The following NTSR1 variants were observed in gnomAD, a reference collection of about 807,000 sequenced individuals.
NTSR1 encodes neurotensin receptor 1, also known as neurotensin receptor type 1.
A neutral mutation model predicts 31.2 loss-of-function variants in NTSR1; 29 were observed. The observed-to-expected ratio is 0.93, with a 90% CI of 0.69 to 1.27. NTSR1 has a LOEUF of 1.27. Among genes scored for constraint, NTSR1 ranks in the 50% most tolerant of loss-of-function variants. The probability of loss-of-function intolerance (pLI) is 0.00; values close to 1 mark genes in which losing one functional copy is unlikely to be tolerated. For missense variants in NTSR1, 697 were observed against 595.4 expected, an observed-to-expected ratio of 1.17 and a Z score of -1.78; for synonymous variants, 282 against 269.9, an observed-to-expected ratio of 1.04 and a Z score of -0.44.
chr20:62,755,078 A>G (rs919746184), intron 2 of NTSR1, among the ~76,000 whole-genome samples, 192 bp downstream of exon 2: 1 of 144,524 alleles, frequency 6.9e-6, no homozygotes, highest in Admixed American at 6.8e-5. Flanking sequence ...CCATCCTTCC[A>G]TCTATCCTTC....
chr20:62,759,175 C>A (rs929031410), intron 3 of NTSR1, among the ~76,000 whole-genome samples: 1 of 152,166 alleles, frequency 6.6e-6, no homozygotes, highest in Non-Finnish European at 1.5e-5. Flanking sequence ...GCACCTACGA[C>A]CAATGAGGAG....
At chr20:62,739,203 GC>G (rs1989159761) in intron 1 of NTSR1, among the ~76,000 whole-genome samples, 1 of 152,188 alleles carries the variant, frequency 6.6e-6, no homozygotes, top group Non-Finnish European at 1.5e-5. Flanking sequence ...CGGGCAGCAG[GC>G]CCCCTCTGGC....
chr20:62,741,597 C>T lies in NTSR1; in HGVS notation c.715-13088C>T, dbSNP rs1365855822. ...GGGCATTGTCCATGGTACTGAACCC[C>T]TGAGGCTCCCTGGGGCTCTGGCATT... On this transcript the variant is annotated intron_variant, in intron 1 of 3. Coordinates refer to ENST00000370501, the MANE Select transcript of NTSR1 (RefSeq NM_002531.3). This position sits in a 1 kb window ranked among gnomAD's most constrained non-coding sequence, Gnocchi z 4.3. Among the ~76,000 whole-genome samples, 2 of 149,652 alleles carry T rather than the reference C, an allele frequency of 1.3e-5. No homozygotes were observed. The highest frequency in any genetic ancestry group is 2.9e-5 in the Non-Finnish European group (2 of 68,020).
At chr20:62,727,973 G>C (rs1988937563) in intron 1 of NTSR1, among the ~76,000 whole-genome samples, 1 of 152,262 alleles carries the variant, frequency 6.6e-6, no homozygotes, top group Non-Finnish European at 1.5e-5. Context: ...TGGTGCTGGG[G>C]ACCCAGCGAG....
chr20:62,749,168 G>A (rs1016791309), intron 1 of NTSR1, among the ~76,000 whole-genome samples: 2 of 152,178 alleles, frequency 1.3e-5, no homozygotes, highest in Admixed American at 6.5e-5. Flanking sequence ...TAGGCCGGGC[G>A]CGGTGGCTCA....
At chr20:62,718,630 G>A (rs540333973) in intron 1 of NTSR1, among the ~76,000 whole-genome samples, 11 of 149,816 alleles carry the variant, frequency 7.3e-5, no homozygotes, top group Non-Finnish European at 1.2e-4. Flanking sequence ...GGAGCCAGCT[G>A]GGCTGTGGCC....
chr20:62,724,523 C>G (rs939566076), intron 1 of NTSR1, among the ~76,000 whole-genome samples: 2 of 152,262 alleles, frequency 1.3e-5, no homozygotes, highest in Non-Finnish European at 2.9e-5. Flanking sequence ...AAAATAACTG[C>G]ATTTGTGTCC....
At position 62,725,581 on chromosome 20, in the gene NTSR1, C is replaced by G. The variant is rs531595926; in HGVS notation, c.714+15660C>G. ...TCCTGCAGCCACCCAACCGGCCACC[C>G]CATCTGTCCACGCCTCATCTGCTGT... On this transcript the variant is annotated intron_variant, in intron 1 of 3. Coordinates refer to ENST00000370501, the MANE Select transcript of NTSR1 (RefSeq NM_002531.3). Among the ~76,000 whole-genome samples the G allele has an allele frequency of 2.0e-5, 3 of 152,344 alleles. No individual in the cohort carries two copies. The East Asian group carries it at 5.8e-4, about 29-fold the overall frequency.
intron 1 of NTSR1, among the ~76,000 whole-genome samples, chr20:62,754,344 G>A (rs1400551391): frequency 6.6e-6 from 1 of 152,224 alleles, no homozygotes; most frequent in East Asian, 1.9e-4. Flanking sequence ...TGGGAACCTA[G>A]AGCCTAGGGC....
Position 62,733,248 on chromosome 20 carries a change from GC to G in NTSR1, c.715-21435del, listed in dbSNP as rs1278746515. On this transcript the variant is annotated intron_variant, in intron 1 of 3. Coordinates refer to ENST00000370501, the MANE Select transcript of NTSR1 (RefSeq NM_002531.3). This position sits in a 1 kb window ranked among gnomAD's most constrained non-coding sequence, Gnocchi z 5.2. ...AAATGTGCATCCCGGTCCCCGCAGG[GC>G]CACCCTGGAGGCACCTCTGCACCTC... 2 of 152,216 alleles carry G rather than the reference GC, an allele frequency of 1.3e-5. No homozygotes were observed. Among genetic ancestry groups the G allele is most frequent in the East Asian group, 3.8e-4 (2 of 5,202 alleles). 9.4% of individuals were successfully genotyped at this position (152,216 alleles called of 1,614,324 possible).
Position 62,733,965 on chromosome 20 carries a change from A to C in NTSR1, c.715-20720A>C, listed in dbSNP as rs1198352523. Among the ~76,000 whole-genome samples, 2 of 152,156 alleles carry C rather than the reference A, an allele frequency of 1.3e-5. No homozygotes were observed. The highest frequency in any genetic ancestry group is 2.9e-5 in the Non-Finnish European group (2 of 68,036). ...CCCAGGCAGGGTCGCATTTTAAATG[A>C]TGGTTTTGGGTGCTGAGCCAGCCCA... On this transcript the variant is annotated intron_variant, in intron 1 of 3. Coordinates refer to ENST00000370501, the MANE Select transcript of NTSR1 (RefSeq NM_002531.3). The surrounding 1 kb of genome is among the most constrained non-coding windows in gnomAD (Gnocchi z 5.2).
In NTSR1 at chr20:62,743,477, G is replaced by T. The variant is rs529867009; in HGVS notation, c.715-11208G>T. ...TCTGTCTGGGAGGTTAGAAAAGACC[G>T]TCCGTGAGCCTGGGCCCTGCTGGGG... On this transcript the variant is annotated intron_variant, in intron 1 of 3. Coordinates refer to ENST00000370501, the MANE Select transcript of NTSR1 (RefSeq NM_002531.3). The surrounding 1 kb of genome is among the most constrained non-coding windows in gnomAD (Gnocchi z 7.5). Among the ~76,000 whole-genome samples the T allele has an allele frequency of 6.6e-5, 10 of 152,266 alleles. No individual in the cohort carries two copies. In the East Asian group the frequency reaches 1.2e-3, roughly 18 times the overall value.
chr20:62,746,925 G>T (rs1172681385), intron 1 of NTSR1, among the ~76,000 whole-genome samples: 1 of 152,206 alleles, frequency 6.6e-6, no homozygotes, highest in East Asian at 1.9e-4. Flanking sequence ...TACAAGGTCA[G>T]CATTACCCTG....
In NTSR1 at chr20:62,709,706, T is replaced by C. The variant is rs766478482; in HGVS notation, c.499T>C (p.Tyr167His). The C allele has an allele frequency of 1.9e-6, 3 of 1,612,712 alleles. No homozygotes were observed. Among genetic ancestry groups the C allele is most frequent in the Non-Finnish European group, 2.5e-6 (3 of 1,179,850 alleles). The stretch of plus-strand genomic sequence containing the variant: ...CGTGGCCAGCCTGAGTGTGGAGCGC[T>C]ACCTGGCCATCTGCCACCCCTTCAA... ...LNVASLSVER[Y>H]LAICHPFKAK... The change falls in exon 1 of 4, where the codon TAC becomes CAC. Residue 167 changes from tyrosine to histidine, a missense_variant. Coordinates refer to ENST00000370501, the MANE Select transcript of NTSR1 (RefSeq NM_002531.3).
At position 62,759,928 on chromosome 20, in the gene NTSR1, G is replaced by A. The variant is rs563928218; in HGVS notation, c.1008-90G>A. ...TTTTAATTAGCGTCTGAGCCACCAC[G>A]TCCCTCAGCCGCTGTGGCCCCGGCT... On this transcript the variant is annotated intron_variant, in intron 3 of 3. Coordinates refer to ENST00000370501, the MANE Select transcript of NTSR1 (RefSeq NM_002531.3). 40 of 1,321,108 alleles carry A rather than the reference G, an allele frequency of 3.0e-5. No homozygotes were observed. The African/African-American group carries it at 3.8e-4, about 13-fold the overall frequency. The allele number at this position is 1,321,108 out of a possible 1,614,324, so 81.8% of individuals were successfully genotyped here.
rs770649409 is a variant in NTSR1 at position 62,758,306 on chromosome 20, C to T, written c.957C>T (p.Tyr319=). The change falls in exon 3 of 4, where the codon TAC becomes TAT. Residue 319 remains tyrosine (Y), a synonymous_variant. Transcript: ENST00000370501. The surrounding 1 kb of genome is among the most constrained non-coding windows in gnomAD (Gnocchi z 4.5). ...VIAFVVCWLP[Y]HVRRLMFCYI... is the part of the protein sequence containing the mutation. The stretch of plus-strand genomic sequence containing the variant: ...CCTTTGTGGTCTGCTGGCTGCCCTA[C>T]CACGTGCGGCGCCTCATGTTCTGCT... 3 of 1,613,674 alleles carry T rather than the reference C, an allele frequency of 1.9e-6. No individual in the cohort carries two copies. Among genetic ancestry groups the T allele is most frequent in the African/African-American group, 1.3e-5 (1 of 74,902 alleles).
Position 62,744,695 on chromosome 20 carries a change from C to A in NTSR1, c.715-9990C>A, listed in dbSNP as rs957636230. Among the ~76,000 whole-genome samples, 10 of 152,236 alleles carry A rather than the reference C, an allele frequency of 6.6e-5. No individual in the cohort carries two copies. The highest frequency in any genetic ancestry group is 2.1e-4 in the South Asian group (1 of 4,824). Reference sequence around the variant, plus strand: ...TAAGCAGAAATCGCGCCACTGCACTCCAGCCTGGGCAACAAGAGCAAAGCT... The same window carrying A: ...TAAGCAGAAATCGCGCCACTGCACTACAGCCTGGGCAACAAGAGCAAAGCT... On this transcript the variant is annotated intron_variant, in intron 1 of 3. Transcript: ENST00000370501. This position sits in a 1 kb window ranked among gnomAD's most constrained non-coding sequence, Gnocchi z 4.1.
intron 1 of NTSR1, among the ~76,000 whole-genome samples, chr20:62,749,269 G>A (rs922297369): frequency 3.9e-5 from 6 of 152,046 alleles, no homozygotes; most frequent in South Asian, 2.1e-4. Context: ...GTGAAACCCC[G>A]TCTCTACTAA....
Position 62,715,791 on chromosome 20 carries a change from C to T in NTSR1, c.714+5870C>T, listed in dbSNP as rs1988704244. On this transcript the variant is annotated intron_variant, in intron 1 of 3. Transcript: ENST00000370501. This position sits in a 1 kb window ranked among gnomAD's most constrained non-coding sequence, Gnocchi z 4.7. ...CTTGCCAAGAACCACCACAAGCCACCCCACAGGTGAGGCAGGCCTCAGGCA... is the reference window on the plus strand; with the variant it reads ...CTTGCCAAGAACCACCACAAGCCACTCCACAGGTGAGGCAGGCCTCAGGCA... Among the ~76,000 whole-genome samples the T allele has an allele frequency of 6.6e-6, 1 of 152,198 alleles. No individual in the cohort carries two copies. Among genetic ancestry groups the T allele is most frequent in the South Asian group, 2.1e-4 (1 of 4,824 alleles).
Sources: gnomAD v4.1 joint callset for allele counts (sites outside exome capture counted in the v4.1 genomes callset) on GRCh38, gnomAD v4.1.1 for gene constraint, Gnocchi (gnomAD v3.1) non-coding constraint, MANE v1.5 for transcripts, NCBI Gene and HGNC (gene_info 2026-07-23, HGNC 2026-07-21) for gene names.